The following RFC3 variants were observed in gnomAD, a reference collection of about 807,000 sequenced individuals.
RFC3 encodes the protein replication factor C subunit 3.
Under a neutral mutation model 45.1 loss-of-function variants are expected in RFC3, and 41 were observed. That is an observed-to-expected ratio of 0.91 (90% confidence interval 0.71 to 1.18). The LOEUF is 1.18. RFC3 is among the 50% of genes most tolerant of loss of function. The pLI is 0.00. For synonymous variants in RFC3, 149 were observed against 144.0 expected (o/e 1.03, Z -0.25); for missense variants, 423 against 428.1 (o/e 0.99, Z 0.10).
intron 8 of RFC3, among the ~76,000 whole-genome samples, chr13:33,949,519 A>C (rs1226790096): frequency 6.6e-6 from 1 of 152,216 alleles, no homozygotes; most frequent in Non-Finnish European, 1.5e-5. Context: ...TTTCAAATTA[A>C]AATAGTATTC....
At chr13:33,969,279 AT>A (rs1418260041), downstream of RFC3, among the ~76,000 whole-genome samples, 1 of 152,232 alleles carries the variant, frequency 6.6e-6, no homozygotes, top group Non-Finnish European at 1.5e-5. Flanking sequence ...AGCTAAAGCA[AT>A]TAGTTCACAA....
intron 8 of RFC3, among the ~76,000 whole-genome samples, chr13:33,897,514 G>C (rs74484178): frequency 0.011 from 1,656 of 152,014 alleles, 37 homozygotes; most frequent in African/African-American, 0.038. Flanking sequence ...AAAGAAAGGA[G>C]TTAGAAAACA....
chr13:33,886,492 G>C (rs1047553418), intron 8 of RFC3, among the ~76,000 whole-genome samples: 1 of 149,430 alleles, frequency 6.7e-6, no homozygotes, highest in Non-Finnish European at 1.5e-5. Flanking sequence ...GTTGCAGTGA[G>C]CCACTGCACT....
At chr13:33,955,555 G>A (rs1252750284) in intron 8 of RFC3, among the ~76,000 whole-genome samples, 1 of 152,136 alleles carries the variant, frequency 6.6e-6, no homozygotes, top group Non-Finnish European at 1.5e-5. Flanking sequence ...ACTCCCTCCT[G>A]ACTAGTCCTT....
chr13:33,958,032 T>C (rs561235679), intron 8 of RFC3, among the ~76,000 whole-genome samples: 1 of 152,124 alleles, frequency 6.6e-6, no homozygotes, highest in African/African-American at 2.4e-5. Flanking sequence ...ACTAACAAAA[T>C]TAGACTCCAA....
intron 8 of RFC3, among the ~76,000 whole-genome samples, chr13:33,929,402 CT>C (rs1267185687): frequency 6.6e-6 from 1 of 152,044 alleles, no homozygotes; most frequent in African/African-American, 2.4e-5. Flanking sequence ...AAAAACTATA[CT>C]TTCTTTATAG....
chr13:33,943,815 A>C (rs568537202), intron 8 of RFC3, among the ~76,000 whole-genome samples: 3 of 151,944 alleles, frequency 2.0e-5, no homozygotes, highest in South Asian at 4.1e-4. Flanking sequence ...AACTTTAATG[A>C]TATCTGAATA....
At chr13:33,913,725 A>G (rs2082716539) in intron 8 of RFC3, among the ~76,000 whole-genome samples, 1 of 152,110 alleles carries the variant, frequency 6.6e-6, no homozygotes, top group African/African-American at 2.4e-5. Context: ...GTGTTTGTCA[A>G]TAGTGAGCCC....
At chr13:33,920,311 A>G (rs564088966) in intron 8 of RFC3, among the ~76,000 whole-genome samples, 72 of 152,176 alleles carry the variant, frequency 4.7e-4, no homozygotes, top group African/African-American at 1.6e-3. Context: ...TTCCAAAACA[A>G]ATATCCTGTT....
At chr13:33,880,802 G>T (rs889131056) in intron 8 of RFC3, among the ~76,000 whole-genome samples, 1 of 152,052 alleles carries the variant, frequency 6.6e-6, no homozygotes. Context: ...GCACGGTGGC[G>T]CACGCCTGTA....
intron 8 of RFC3, among the ~76,000 whole-genome samples, chr13:33,904,888 C>G (rs939117646): frequency 1.3e-5 from 2 of 151,988 alleles, no homozygotes; most frequent in African/African-American, 2.4e-5. Context: ...TTCTCAGAGC[C>G]TAAGTATGTT....
At chr13:33,864,032 G>A (rs1366305547) in intron 8 of RFC3, among the ~76,000 whole-genome samples, 1 of 152,188 alleles carries the variant, frequency 6.6e-6, no homozygotes, top group Non-Finnish European at 1.5e-5. Context: ...ACCAACATCT[G>A]CGTGGCTTCT....
intron 8 of RFC3, among the ~76,000 whole-genome samples, chr13:33,893,799 T>C (rs1045907035): frequency 6.6e-6 from 1 of 152,014 alleles, no homozygotes; most frequent in East Asian, 1.9e-4. Flanking sequence ...ATCAGTCACC[T>C]CAAAGACAGA....
At chr13:33,871,031 G>A (rs1057412638) in intron 8 of RFC3, among the ~76,000 whole-genome samples, 7 of 152,244 alleles carry the variant, frequency 4.6e-5, no homozygotes, top group Non-Finnish European at 7.4e-5. Flanking sequence ...GTGAACTAGT[G>A]GAGCCCTCTG....
chr13:33,934,208 T>G (rs1267583766), intron 8 of RFC3, among the ~76,000 whole-genome samples: 1 of 151,342 alleles, frequency 6.6e-6, no homozygotes, highest in Non-Finnish European at 1.5e-5. Flanking sequence ...TGGTGAGCAC[T>G]TACAGTTCCA....
chr13:33,857,707 C>T (rs1398025131), intron 8 of RFC3, among the ~76,000 whole-genome samples: 1 of 152,158 alleles, frequency 6.6e-6, no homozygotes, highest in Non-Finnish European at 1.5e-5. Flanking sequence ...TCCTTAATTT[C>T]CTAATATGAA....
chr13:33,894,487 G>C (rs2082584533), intron 8 of RFC3, among the ~76,000 whole-genome samples: 1 of 152,168 alleles, frequency 6.6e-6, no homozygotes, highest in Admixed American at 6.5e-5. Context: ...ATAATCTCGA[G>C]TGGGGACAAA....
chr13:33,913,441 A>G (rs1208181918), intron 8 of RFC3, among the ~76,000 whole-genome samples: 1 of 152,178 alleles, frequency 6.6e-6, no homozygotes, highest in Admixed American at 6.5e-5. Flanking sequence ...TTCATGAAAC[A>G]CCAAGTTGCC....
chr13:33,864,291 T>C (rs2082359911), intron 8 of RFC3, among the ~76,000 whole-genome samples: 1 of 152,122 alleles, frequency 6.6e-6, no homozygotes, highest in African/African-American at 2.4e-5. Flanking sequence ...ACATTGGGGA[T>C]CACATTTCAA....
Sources: allele counts gnomAD v4.1 joint callset (sites outside exome capture counted in the v4.1 genomes callset), GRCh38; gene constraint gnomAD v4.1.1; transcripts MANE v1.5; gene names NCBI Gene and HGNC (gene_info 2026-07-23, HGNC 2026-07-21).